GRIA4: variants seen among roughly 807,000 people sequenced by gnomAD.
GRIA4 encodes glutamate receptor 4.
Under a neutral mutation model 104.0 loss-of-function variants are expected in GRIA4, and 34 were observed. The ratio of observed to expected loss-of-function variants is 0.33; its 90% confidence interval spans 0.25 to 0.44. The LOEUF is 0.44. GRIA4 is among the 20% of genes least tolerant of loss of function. The probability of loss-of-function intolerance (pLI) is 1.00; values close to 1 mark genes in which losing one functional copy is unlikely to be tolerated. For missense variants in GRIA4, 750 were observed against 1,096.5 expected, an observed-to-expected ratio of 0.68 and a Z score of 4.46; for synonymous variants, 386 against 381.9, an observed-to-expected ratio of 1.01 and a Z score of -0.13.
At chr11:105,737,956 T>A (rs535523255) in intron 3 of GRIA4, among the ~76,000 whole-genome samples, 2 of 152,208 alleles carry the variant, frequency 1.3e-5, no homozygotes, top group East Asian at 3.9e-4. Context: ...AGATAAATAA[T>A]ATAAAATGAC....
intron 3 of GRIA4, among the ~76,000 whole-genome samples, chr11:105,712,863 A>C (rs182276138): frequency 1.4e-3 from 219 of 152,200 alleles, no homozygotes; most frequent in African/African-American, 5.2e-3. Flanking sequence ...AAAAAAGAAA[A>C]AAAATATAAA....
At chr11:105,947,883 G>T (rs1948355958) in intron 14 of GRIA4, among the ~76,000 whole-genome samples, 2 of 152,192 alleles carry the variant, frequency 1.3e-5, no homozygotes, top group Non-Finnish European at 2.9e-5. Context: ...ATGACTATAA[G>T]CCCTGTTGCT....
At chr11:105,955,877 T>C (rs374089701) in intron 14 of GRIA4, among the ~76,000 whole-genome samples, 2 of 152,236 alleles carry the variant, frequency 1.3e-5, no homozygotes, top group Admixed American at 6.5e-5. Flanking sequence ...TGATCAATTA[T>C]GTTGAGTTTT....
chr11:105,683,422 T>C (rs1397717734), intron 3 of GRIA4, among the ~76,000 whole-genome samples: 2 of 152,054 alleles, frequency 1.3e-5, no homozygotes, highest in Non-Finnish European at 2.9e-5. Context: ...AAAATTTAAT[T>C]ACAATTAGAG....
At chr11:105,904,367 G>A (rs1006958379) in intron 8 of GRIA4, among the ~76,000 whole-genome samples, 2 of 152,132 alleles carry the variant, frequency 1.3e-5, no homozygotes, top group African/African-American at 2.4e-5. Context: ...ATGGATAGTT[G>A]GGGGCAGGTT....
At chr11:105,870,549 A>G (rs1363257039) in intron 5 of GRIA4, among the ~76,000 whole-genome samples, 1 of 39,478 alleles carries the variant, frequency 2.5e-5, no homozygotes, top group Non-Finnish European at 5.9e-5. Flanking sequence ...GAAAGGTACA[A>G]AAAAAAAAAA....
intron 14 of GRIA4, among the ~76,000 whole-genome samples, chr11:105,963,189 T>C (rs1480312455): frequency 6.6e-6 from 1 of 152,104 alleles, no homozygotes; most frequent in Non-Finnish European, 1.5e-5. Flanking sequence ...AAAAAGTACT[T>C]TTCAACCTAG....
intron 3 of GRIA4, among the ~76,000 whole-genome samples, chr11:105,734,091 A>T (rs972170252): frequency 6.8e-6 from 1 of 147,948 alleles, no homozygotes; most frequent in African/African-American, 2.5e-5. Flanking sequence ...ATACATATAT[A>T]TATATAAAAT....
intron 14 of GRIA4, among the ~76,000 whole-genome samples, chr11:105,950,445 C>A (rs936828949): frequency 6.6e-6 from 1 of 152,066 alleles, no homozygotes; most frequent in African/African-American, 2.4e-5. Flanking sequence ...TGTGTAAAAT[C>A]TCCTAATTCA....
At chr11:105,653,995 T>C (rs931589454) in intron 3 of GRIA4, among the ~76,000 whole-genome samples, 7 of 42,174 alleles carry the variant, frequency 1.7e-4, no homozygotes, top group African/African-American at 5.8e-4. Context: ...GAACACTATT[T>C]AGCCAAAAAA....
chr11:105,791,344 G>A (rs191497309), intron 4 of GRIA4, among the ~76,000 whole-genome samples: 2,298 of 152,220 alleles, frequency 0.015, 19 homozygotes, highest in Non-Finnish European at 0.024. Context: ...ATGTCCAAAC[G>A]AAGTGTATTT....
At chr11:105,632,702 G>A (rs1233220222) in intron 3 of GRIA4, among the ~76,000 whole-genome samples, 4 of 152,160 alleles carry the variant, frequency 2.6e-5, no homozygotes, top group Non-Finnish European at 5.9e-5. Context: ...GGGAAGCTGA[G>A]GCAGGCAGAA....
At chr11:105,905,407 G>C in intron 9 of GRIA4, 106 bp downstream of exon 9, 1 of 643,878 alleles carries the variant, frequency 1.6e-6, no homozygotes, top group African/African-American at 1.8e-5. Flanking sequence ...CTTTTTTTGT[G>C]AGTACTTACA....
chr11:105,781,503 T>C (rs73540353), intron 4 of GRIA4, among the ~76,000 whole-genome samples: 1,836 of 152,290 alleles, frequency 0.012, 47 homozygotes, highest in African/African-American at 0.041. Context: ...TGCATACCTA[T>C]TTCCTTTTTA....
At chr11:105,783,062 T>A (rs996260230) in intron 4 of GRIA4, among the ~76,000 whole-genome samples, 1 of 152,232 alleles carries the variant, frequency 6.6e-6, no homozygotes, top group African/African-American at 2.4e-5. Flanking sequence ...TACTCTAAGA[T>A]GAACTTAAAA....
chr11:105,731,515 C>A (rs1342492868), intron 3 of GRIA4, among the ~76,000 whole-genome samples: 1 of 152,176 alleles, frequency 6.6e-6, no homozygotes, highest in Non-Finnish European at 1.5e-5. Flanking sequence ...ACCCAGCAAT[C>A]TCATTACTGG....
chr11:105,958,070 G>C (rs959447018), intron 14 of GRIA4, among the ~76,000 whole-genome samples: 8 of 152,126 alleles, frequency 5.3e-5, no homozygotes, highest in African/African-American at 1.9e-4. Flanking sequence ...GGGACAATTT[G>C]ACTTCCTCTT....
intron 3 of GRIA4, among the ~76,000 whole-genome samples, chr11:105,635,159 C>G (rs1951170857): frequency 6.6e-6 from 1 of 152,040 alleles, no homozygotes; most frequent in Admixed American, 6.6e-5. Context: ...AAATATTCTC[C>G]TCTAAAATAA....
chr11:105,778,909 A>G (rs1315501847), intron 4 of GRIA4, among the ~76,000 whole-genome samples: 1 of 145,566 alleles, frequency 6.9e-6, no homozygotes, highest in African/African-American at 2.5e-5. Context: ...AACATTAGGT[A>G]TATCTCCTAA....
Sources: gnomAD v4.1 joint callset for allele counts (sites outside exome capture counted in the v4.1 genomes callset) on GRCh38, gnomAD v4.1.1 for gene constraint, MANE v1.5 for transcripts, NCBI Gene and HGNC (gene_info 2026-07-23, HGNC 2026-07-21) for gene names.